The following CDH10 variants were observed in gnomAD, a reference collection of about 807,000 sequenced individuals.
CDH10 encodes the protein cadherin-10.
A neutral mutation model predicts 73.1 loss-of-function variants in CDH10; 30 were observed. The observed-to-expected ratio is 0.41, with a 90% confidence interval of 0.31 to 0.56. The LOEUF (loss-of-function observed/expected upper bound fraction) is 0.56, where lower values mean the gene tolerates loss of function less well. Ranked by LOEUF, CDH10 falls within the 20% of genes least tolerant of loss-of-function variation. The pLI is 0.27. For synonymous variants in CDH10, 345 were observed against 348.2 expected (o/e 0.99, Z 0.10); for missense variants, 815 against 973.7 (o/e 0.84, Z 2.17).
intron 1 of CDH10, among the ~76,000 whole-genome samples, chr5:24,642,196 C>G (rs1748075891): frequency 6.6e-6 from 1 of 152,050 alleles, no homozygotes; most frequent in Non-Finnish European, 1.5e-5. Context: ...TCATCAGAGC[C>G]AATACTGCTG....
chr5:24,608,104 G>C (rs890776604), intron 1 of CDH10, among the ~76,000 whole-genome samples: 2 of 151,954 alleles, frequency 1.3e-5, no homozygotes, highest in African/African-American at 4.8e-5. Flanking sequence ...CAGTAGTATA[G>C]CCATGTTCTT....
intron 1 of CDH10, chr5:24,612,280 T>A (rs1356902560): frequency 6.6e-6 from 1 of 152,174 alleles, no homozygotes; most frequent in Non-Finnish European, 1.5e-5. Context: ...AGTGTCTTAG[T>A]GGCCCACTGG....
intron 5 of CDH10, among the ~76,000 whole-genome samples, chr5:24,529,026 T>C (rs1254112387): frequency 6.6e-6 from 1 of 152,014 alleles, no homozygotes; most frequent in African/African-American, 2.4e-5. Flanking sequence ...CCTAATACAT[T>C]GTCTATCTCA....
intron 2 of CDH10, among the ~76,000 whole-genome samples, chr5:24,545,823 TA>T (rs112359328): frequency 6.6e-6 from 1 of 151,334 alleles, no homozygotes; most frequent in South Asian, 2.1e-4. Context: ...TCAAAGAAAA[TA>T]AAAAAAGGAA....
chr5:24,602,387 C>A (rs1471943672), intron 1 of CDH10, among the ~76,000 whole-genome samples: 1 of 152,128 alleles, frequency 6.6e-6, no homozygotes, highest in East Asian at 1.9e-4. Context: ...AATCTGTAAA[C>A]TGCCATTCAT....
chr5:24,488,092 T>G lies in CDH10; in HGVS notation c.1938A>C (p.Ser646=), dbSNP rs747555737. The G allele has an allele frequency of 1.9e-6, 3 of 1,613,680 alleles. No homozygotes were observed. The African/African-American group carries it at 4.0e-5, about 22-fold the overall frequency. Residue 646 remains serine (S), a synonymous_variant, in exon 12 of 12, where the codon TCA becomes TCC. Transcript: ENST00000264463. Reference sequence around the variant, plus strand: ...CAATGTTGTCTCTGATATCTTCTTTTGACAAGATCAGAGGCTCTTTTTTTC... The same window carrying G: ...CAATGTTGTCTCTGATATCTTCTTTGGACAAGATCAGAGGCTCTTTTTTTC... ...RQRKKEPLIL[S]KEDIRDNIVS... is the part of the protein sequence containing the mutation.
At chr5:24,599,876 A>C (rs371568728) in intron 1 of CDH10, among the ~76,000 whole-genome samples, 4 of 152,282 alleles carry the variant, frequency 2.6e-5, no homozygotes, top group Admixed American at 1.3e-4. Flanking sequence ...TATTTGCACA[A>C]TACTAAAAAC....
chr5:24,515,222 A>G (rs909917585), intron 5 of CDH10, among the ~76,000 whole-genome samples: 7 of 152,186 alleles, frequency 4.6e-5, no homozygotes, highest in Non-Finnish European at 7.4e-5. Context: ...AATAATTAAA[A>G]ATATACCAAA....
At chr5:24,638,894 A>G (rs1747952903) in intron 1 of CDH10, among the ~76,000 whole-genome samples, 2 of 151,814 alleles carry the variant, frequency 1.3e-5, no homozygotes, top group East Asian at 1.9e-4. Flanking sequence ...AAGCAAATCA[A>G]TATCACACTG....
At position 24,590,153 on chromosome 5, in the gene CDH10, C is replaced by T. The variant is rs1011857645; in HGVS notation, c.231+3107G>A. The stretch of plus-strand genomic sequence containing the variant: ...TACAGGAAAATGCTTCTATTTATGG[C>T]GATCTCAACAAATAAATGTTTTGAA... On this transcript the variant is annotated intron_variant, in intron 2 of 11. Coordinates refer to ENST00000264463, the MANE Select transcript of CDH10 (RefSeq NM_006727.5). 5.9e-5 allele frequency among the ~76,000 whole-genome samples: 9 copies of T among 151,956 alleles called. 1 individual carries two copies. In the East Asian group the frequency reaches 1.5e-3, roughly 26 times the overall value.
chr5:24,627,301 CAG>C (rs996265181), intron 1 of CDH10, among the ~76,000 whole-genome samples: 33 of 152,044 alleles, frequency 2.2e-4, no homozygotes, highest in African/African-American at 6.7e-4. Flanking sequence ...TAAAATAAAA[CAG>C]TGTTTAAAAT....
rs1001227038 is a variant in CDH10 at position 24,586,843 on chromosome 5, C to CTTTTTTTTTTTTTTTTTTTTTTTT, written c.231+6416_231+6417insAAAAAAAAAAAAAAAAAAAAAAAA. ...GTAAAACAATAAGATAGCCCATATT[C>CTTTTTTTTTTTTTTTTTTTTTTTT]TTTTTTTTTTTTTTTTTTTGAGCCG... On this transcript the variant is annotated intron_variant, in intron 2 of 11. Transcript: ENST00000264463. 1.5e-4 allele frequency among the ~76,000 whole-genome samples: 15 copies of CTTTTTTTTTTTTTTTTTTTTTTTT among 102,758 alleles called. 1 individual carries two copies. The highest frequency in any genetic ancestry group is 6.1e-4 in the South Asian group (2 of 3,276). 67.4% of individuals were successfully genotyped at this position (102,758 alleles called of 152,430 possible).
chr5:24,507,810 A>G (rs905092232), intron 7 of CDH10, among the ~76,000 whole-genome samples: 4 of 152,170 alleles, frequency 2.6e-5, no homozygotes, highest in African/African-American at 9.6e-5. Context: ...TTGTTGGTAA[A>G]TGAATTGGGG....
intron 2 of CDH10, among the ~76,000 whole-genome samples, chr5:24,585,579 C>T (rs1423421651): frequency 6.6e-5 from 10 of 152,072 alleles, no homozygotes; most frequent in African/African-American, 1.9e-4. Flanking sequence ...CCTGCTACCA[C>T]GCCCAGCTAA....
At chr5:24,577,008 A>C (rs1306963311) in intron 2 of CDH10, among the ~76,000 whole-genome samples, 6 of 36,746 alleles carry the variant, frequency 1.6e-4, no homozygotes, top group Non-Finnish European at 1.6e-4. Flanking sequence ...TAAAATATTA[A>C]AAAAAAAAAA....
intron 2 of CDH10, among the ~76,000 whole-genome samples, chr5:24,561,021 T>A (rs1431710541): frequency 6.6e-6 from 1 of 152,126 alleles, no homozygotes; most frequent in Admixed American, 6.5e-5. Context: ...AAAATAGGAA[T>A]GACAATCGTT....
chr5:24,603,748 T>A (rs1746653000), intron 1 of CDH10, among the ~76,000 whole-genome samples: 1 of 152,134 alleles, frequency 6.6e-6, no homozygotes, highest in South Asian at 2.1e-4. Flanking sequence ...TTCCCCCGTA[T>A]ATTCCGGAAC....
chr5:24,629,341 T>C (rs532369423), intron 1 of CDH10, among the ~76,000 whole-genome samples: 2 of 152,126 alleles, frequency 1.3e-5, no homozygotes, highest in Non-Finnish European at 1.5e-5. Flanking sequence ...AATTTTAAAA[T>C]ATATTTCACC....
rs541330198 is a variant in CDH10, at chr5:24,519,359, A to G, written c.815-7845T>C. Among the ~76,000 whole-genome samples, 6 of 152,310 alleles carry G rather than the reference A, an allele frequency of 3.9e-5. No individual in the cohort carries two copies. In the East Asian group the frequency reaches 1.2e-3, roughly 29 times the overall value. ...GGGATTTCTAAAACAACAAAATTTA[A>G]AAAGGTTGATAAATCAGTCTATACT... On this transcript the variant is annotated intron_variant, in intron 5 of 11. Transcript: ENST00000264463.
Sources: gnomAD v4.1 joint callset for allele counts (sites outside exome capture counted in the v4.1 genomes callset) on GRCh38, gnomAD v4.1.1 for gene constraint, MANE v1.5 for transcripts, NCBI Gene and HGNC (gene_info 2026-07-23, HGNC 2026-07-21) for gene names.